The following PCNX1 variants were observed in gnomAD, a reference collection of about 807,000 sequenced individuals.
The protein encoded by PCNX1 is pecanex-like protein 1.
In PCNX1, 78 loss-of-function variants were observed where a neutral mutation model predicts 242.2. The observed-to-expected ratio is 0.32, with a 90% confidence interval of 0.27 to 0.39. PCNX1 has a LOEUF of 0.39. PCNX1 is among the 10% of genes least tolerant of loss of function. The pLI, the probability that PCNX1 is intolerant of heterozygous loss-of-function variation, is 1.00. For synonymous variants in PCNX1, 1,024 were observed against 1,032.9 expected (o/e 0.99, Z 0.17); for missense variants, 2,581 against 2,856.5 (o/e 0.90, Z 2.20).
intron 2 of PCNX1, among the ~76,000 whole-genome samples, chr14:70,948,911 G>A (rs973017659): frequency 3.4e-5 from 5 of 144,942 alleles, no homozygotes; most frequent in South Asian, 4.4e-4. Context: ...GTGTATATAC[G>A]TATATATGTG....
rs186259706 is a variant in PCNX1 at position 71,067,856 on chromosome 14, G to A, written c.4853-5689G>A. On this transcript the variant is annotated intron_variant, in intron 26 of 35. Coordinates refer to ENST00000304743, the MANE Select transcript of PCNX1 (RefSeq NM_014982.3). ...ACTTATATATTTCTGCCTTCATTTC[G>A]TTATATATATCTAGTAGTCATTATA... Among the ~76,000 whole-genome samples the A allele has an allele frequency of 1.3e-3, 191 of 151,376 alleles. 4 individuals carry two copies. The South Asian group carries it at 0.022, about 17-fold the overall frequency.
Position 71,110,252 on chromosome 14 carries a change from A to G in PCNX1, c.*317A>G, listed in dbSNP as rs2062730258. 8.5e-6 allele frequency: 3 copies of G among 351,194 alleles called. No individual in the cohort carries two copies. Among genetic ancestry groups the G allele is most frequent in the Non-Finnish European group, 1.6e-5 (3 of 183,584 alleles). The allele number at this position is 351,194 out of a possible 1,614,324, so 21.8% of individuals were successfully genotyped here. On this transcript the variant is annotated 3_prime_UTR_variant, in exon 36 of 36. Coordinates refer to ENST00000304743, the MANE Select transcript of PCNX1 (RefSeq NM_014982.3). ...GCATTGCCTATGCTTTAAATCAACA[A>G]ACTCTTCATTTCTAAACTATGATCT...
At chr14:71,033,565 T>C in intron 17 of PCNX1, 27 bp downstream of exon 17, 1 of 1,219,014 alleles carries the variant, frequency 8.2e-7, no homozygotes, top group South Asian at 1.3e-5. Context: ...GTTATTGAAT[T>C]AAAAGAAATT....
At chr14:71,052,086 T>C in intron 24 of PCNX1, 74 bp downstream of exon 24, 1 of 1,080,240 alleles carries the variant, frequency 9.3e-7, no homozygotes, top group Non-Finnish European at 1.3e-6. Context: ...GCATTATTAT[T>C]AGAATTTATG....
intron 9 of PCNX1, among the ~76,000 whole-genome samples, chr14:71,011,039 C>T (rs2059807734): frequency 6.6e-6 from 1 of 152,092 alleles, no homozygotes; most frequent in Non-Finnish European, 1.5e-5. Flanking sequence ...AGAACAATTC[C>T]TTACACTATA....
At chr14:70,991,410 T>C (rs1006645819) in intron 7 of PCNX1, among the ~76,000 whole-genome samples, 3 of 152,140 alleles carry the variant, frequency 2.0e-5, no homozygotes, top group Non-Finnish European at 2.9e-5. Flanking sequence ...TTCACTATGC[T>C]GGCCAGGCTG....
At chr14:70,961,070 C>T (rs1290057887) in intron 2 of PCNX1, among the ~76,000 whole-genome samples, 13 of 152,074 alleles carry the variant, frequency 8.5e-5, no homozygotes, top group South Asian at 2.1e-4. Flanking sequence ...GAATCAATAT[C>T]GTGAAAATGG....
chr14:70,959,040 ATATAGAC>A (rs1440716489), intron 2 of PCNX1, among the ~76,000 whole-genome samples: 1 of 148,736 alleles, frequency 6.7e-6, no homozygotes, highest in Non-Finnish European at 1.5e-5. Flanking sequence ...AAAAGATTAT[ATATAGAC>A]TATTGACTAC....
At chr14:71,023,293 G>T in intron 13 of PCNX1, 61 bp downstream of exon 13, 1 of 1,325,726 alleles carries the variant, frequency 7.5e-7, no homozygotes. Flanking sequence ...TAATATTTGT[G>T]GTTTGTTTTT....
chr14:70,915,287 A>G (rs2056106426), intron 1 of PCNX1, among the ~76,000 whole-genome samples: 1 of 152,178 alleles, frequency 6.6e-6, no homozygotes, highest in Non-Finnish European at 1.5e-5. Flanking sequence ...ACGGAATCTC[A>G]AAACCCTTTT....
intron 11 of PCNX1, among the ~76,000 whole-genome samples, chr14:71,017,674 T>C (rs768319280): frequency 2.0e-5 from 3 of 152,204 alleles, no homozygotes; most frequent in Admixed American, 6.6e-5. Flanking sequence ...TGAAAATCCT[T>C]AAAAATCCAA....
At chr14:70,962,469 TTTA>T in intron 3 of PCNX1, 138 bp downstream of exon 3, 1 of 562,224 alleles carries the variant, frequency 1.8e-6, no homozygotes, top group Admixed American at 3.1e-5. Flanking sequence ...AATAACATCT[TTTA>T]TTAATATTCT....
At chr14:70,960,693 G>A (rs1221230611) in intron 2 of PCNX1, among the ~76,000 whole-genome samples, 1 of 151,996 alleles carries the variant, frequency 6.6e-6, no homozygotes, top group Non-Finnish European at 1.5e-5. Flanking sequence ...GGAAATAAAG[G>A]GTATTCAATT....
At position 70,922,533 on chromosome 14, in the gene PCNX1, C is replaced by T. The variant is rs374113210; in HGVS notation, c.153+14530C>T. Among the ~76,000 whole-genome samples, 258 of 152,176 alleles carry T rather than the reference C, an allele frequency of 1.7e-3. 2 individuals are homozygous for T. In the South Asian group the frequency reaches 0.025, roughly 15 times the overall value. Reference sequence around the variant, plus strand: ...AAAGTCTTCTGTTCTCTATCATCCACGCTACCAGTTCACATGCCTCAGAGA... The same window carrying T: ...AAAGTCTTCTGTTCTCTATCATCCATGCTACCAGTTCACATGCCTCAGAGA... On this transcript the variant is annotated intron_variant, in intron 1 of 35. Transcript: ENST00000304743.
At chr14:70,994,398 T>TAGATAGATAGATAGATAGATATAG (rs1020077571) in intron 7 of PCNX1, among the ~76,000 whole-genome samples, 5 of 26,020 alleles carry the variant, frequency 1.9e-4, no homozygotes, top group African/African-American at 6.9e-4. Context: ...AGGCTTAAGA[T>TAGATAGATAGATAGATAGATATAG]ATATATATAT....
In PCNX1 at chr14:70,918,884, GTT is replaced by G. The variant is rs33959914; in HGVS notation, c.153+10896_153+10897del. ...GTGTTCGTTTGTTGGTGGTTTTTTGGTTTTTTTTTTTTTTTTAGACAAAGTCT... is the reference window on the plus strand; with the variant it reads ...GTGTTCGTTTGTTGGTGGTTTTTTGGTTTTTTTTTTTTTTAGACAAAGTCT... On this transcript the variant is annotated intron_variant, in intron 1 of 35. Transcript: ENST00000304743. Among the ~76,000 whole-genome samples the G allele has an allele frequency of 8.9e-3, 1,247 of 140,446 alleles. 8 individuals are homozygous for G. The highest frequency in any genetic ancestry group is 0.017 in the South Asian group (76 of 4,414). The allele number at this position is 140,446 out of a possible 152,430, so 92.1% of individuals were successfully genotyped here.
rs1406910769 is a variant in PCNX1 at position 71,026,296 on chromosome 14, A to T, written c.3355+8A>T. ...CCAGGGATTTAGTTATAGGTGAGTCATCTTAAAGTATCTCTAATCTTAAAA... is the reference window on the plus strand; with the variant it reads ...CCAGGGATTTAGTTATAGGTGAGTCTTCTTAAAGTATCTCTAATCTTAAAA... On this transcript the variant is annotated splice_region_variant and intron_variant, in intron 14 of 35. Coordinates refer to ENST00000304743, the MANE Select transcript of PCNX1 (RefSeq NM_014982.3). 6.7e-7 allele frequency: 1 copy of T among 1,497,970 alleles called. No homozygotes were observed. Among genetic ancestry groups the T allele is most frequent in the East Asian group, 2.3e-5 (1 of 43,350 alleles). 92.8% of individuals were successfully genotyped at this position (1,497,970 alleles called of 1,614,324 possible).
chr14:71,109,325 T>C lies in PCNX1; in HGVS notation c.6745-127T>C, dbSNP rs1017379035. Reference sequence around the variant, plus strand: ...AATTCAAGATGTAGCTCTTAAGATTTTTTTTTTATTCCATTATAGGAATTT... The same window carrying C: ...AATTCAAGATGTAGCTCTTAAGATTCTTTTTTTATTCCATTATAGGAATTT... On this transcript the variant is annotated intron_variant, in intron 34 of 35. Transcript: ENST00000304743. 3 of 906,330 alleles carry C rather than the reference T, an allele frequency of 3.3e-6. No homozygotes were observed. In the African/African-American group the frequency reaches 5.0e-5, roughly 15 times the overall value. 56.1% of individuals were successfully genotyped at this position (906,330 alleles called of 1,614,324 possible).
chr14:71,001,054 A>C (rs1353578712), intron 8 of PCNX1, among the ~76,000 whole-genome samples: 1 of 152,182 alleles, frequency 6.6e-6, no homozygotes, highest in Non-Finnish European at 1.5e-5. Flanking sequence ...TATTGTCAGG[A>C]TTATATTTAT....
Sources: allele counts gnomAD v4.1 joint callset (sites outside exome capture counted in the v4.1 genomes callset), GRCh38; gene constraint gnomAD v4.1.1; transcripts MANE v1.5; gene names NCBI Gene and HGNC (gene_info 2026-07-23, HGNC 2026-07-21).